Variants in NKX1-1 observed in about 807,000 individuals in gnomAD.
NKX1-1 encodes the protein NK1 homeobox 1.
Under a neutral mutation model 1.7 loss-of-function variants are expected in NKX1-1, and 7 were observed. The observed-to-expected ratio is 4.22, with a 90% CI of 2.40 to 7.92. The LOEUF (loss-of-function observed/expected upper bound fraction) is 7.92, where lower values mean the gene tolerates loss of function less well. Among genes scored for constraint, NKX1-1 ranks in the 30% most tolerant of loss-of-function variants. The pLI, the probability that NKX1-1 is intolerant of heterozygous loss-of-function variation, is 0.00. For synonymous variants in NKX1-1, 242 were observed against 85.3 expected (o/e 2.84, Z -10.13); for missense variants, 453 against 171.5 (o/e 2.64, Z -9.17).
chr4:1,405,830 T>G, intron 1 of NKX1-1, 150 bp downstream of exon 1: 1 of 394,458 alleles, frequency 2.5e-6, no homozygotes, highest in East Asian at 3.7e-5. Flanking sequence ...AGGCCACGGG[T>G]GGGCTGGTGC....
chr4:1,406,185 G>A lies in NKX1-1; in HGVS notation c.258C>T (p.Asp86=). The change falls in exon 1 of 2, where the codon GAC becomes GAT. Residue 86 remains aspartate (D), a synonymous_variant. Transcript: ENST00000422806. The part of the protein sequence containing the change: ...PLRPTSFSVL[D]ILDPNKFNSR... ...TGTTGAACTTGTTGGGGTCCAGGAT[G>A]TCCAGTACCGAGAAGGAGGTGGGGC... The A allele has an allele frequency of 3.3e-6, 2 of 601,972 alleles. No homozygotes were observed. Among genetic ancestry groups the A allele is most frequent in the African/African-American group, 1.9e-5 (1 of 51,306 alleles). 37.3% of individuals were successfully genotyped at this position (601,972 alleles called of 1,614,324 possible). A position where few individuals can be genotyped will look rare whatever the true frequency, so the allele number is the denominator to read the frequency against.
rs756663729 is a variant in NKX1-1 at position 1,403,087 on chromosome 4, C to T, written c.1192G>A (p.Gly398Ser). The T allele has an allele frequency of 5.1e-5, 23 of 449,250 alleles. No homozygotes were observed. The South Asian group carries it at 8.4e-4, about 16-fold the overall frequency. 27.8% of individuals were successfully genotyped at this position (449,250 alleles called of 1,614,324 possible). A position where few individuals can be genotyped will look rare whatever the true frequency, so the allele number is the denominator to read the frequency against. The change falls in exon 2 of 2, where the codon GGC (glycine) becomes AGC (serine). Residue 398 changes from glycine to serine, a missense_variant. Gly to Ser is a moderately conservative substitution (Grantham distance 56). Transcript: ENST00000422806. ...GGGTACCCGGCCGGGCCGTGCATGCCGAGCGGGGCGCCCATGGGCGGCGAG... is the reference window on the plus strand; with the variant it reads ...GGGTACCCGGCCGGGCCGTGCATGCTGAGCGGGGCGCCCATGGGCGGCGAG... ...SPSPPMGAPL[G>S]MHGPAGYPAH...
At chr4:1,405,532 G>T (rs1009379835) in intron 1 of NKX1-1, among the ~76,000 whole-genome samples, 2 of 150,336 alleles carry the variant, frequency 1.3e-5, no homozygotes, top group Non-Finnish European at 3.0e-5. Context: ...TTTTTCCAGC[G>T]ATAACCAGCG....
intron 1 of NKX1-1, among the ~76,000 whole-genome samples, chr4:1,404,568 C>G (rs564477847): frequency 9.3e-4 from 141 of 152,290 alleles, no homozygotes; most frequent in African/African-American, 3.1e-3. Flanking sequence ...CCTAAAGGCC[C>G]GGTCGGCCGA....
intron 1 of NKX1-1, among the ~76,000 whole-genome samples, chr4:1,405,104 G>A (rs1458991688): frequency 6.6e-6 from 1 of 152,210 alleles, no homozygotes; most frequent in African/African-American, 2.4e-5. Context: ...GGATTTGTTC[G>A]CCCTCCATCT....
chr4:1,405,400 AAG>A (rs1720731823), intron 1 of NKX1-1, among the ~76,000 whole-genome samples: 1 of 152,212 alleles, frequency 6.6e-6, no homozygotes, highest in South Asian at 2.1e-4. Flanking sequence ...AGGTGCTTGA[AAG>A]AGATATGCAC....
At chr4:1,404,707 C>T (rs1481829816) in intron 1 of NKX1-1, among the ~76,000 whole-genome samples, 1 of 152,280 alleles carries the variant, frequency 6.6e-6, no homozygotes, top group African/African-American at 2.4e-5. Flanking sequence ...GGGCCTAAGT[C>T]AGGAGGAGTC....
chr4:1,404,211 A>C (rs1368022196), intron 1 of NKX1-1, among the ~76,000 whole-genome samples: 2 of 152,068 alleles, frequency 1.3e-5, no homozygotes, highest in East Asian at 3.9e-4. Flanking sequence ...CACTTAATTA[A>C]ACTCATTTTG....
intron 1 of NKX1-1, among the ~76,000 whole-genome samples, chr4:1,405,715 G>A (rs1577018741): frequency 6.6e-6 from 1 of 152,204 alleles, no homozygotes; most frequent in East Asian, 1.9e-4. Context: ...ACGCGCGGAG[G>A]CGAACCCTGG....
At position 1,403,215 on chromosome 4, in the gene NKX1-1, T is replaced by C. The variant is rs760542354; in HGVS notation, c.1064A>G (p.Asn355Ser). The change falls in exon 2 of 2, where the codon AAC (asparagine) becomes AGC (serine). Residue 355 changes from asparagine (N) to serine (S), a missense_variant. Physicochemically the swap from Asn to Ser is conservative, Grantham distance 46. Transcript: ENST00000422806. ...QNRRTKWKKQ[N>S]PGADTSAPTG... ...CGGAGCGCTGGTGTCGGCGCCCGGG[T>C]TCTGCTTCTTCCACTTGGTTCGGCG... 2 of 717,936 alleles carry C rather than the reference T, an allele frequency of 2.8e-6. No individual in the cohort carries two copies. The highest frequency in any genetic ancestry group is 5.1e-6 in the Non-Finnish European group (2 of 389,760). 44.5% of individuals were successfully genotyped at this position (717,936 alleles called of 1,614,324 possible).
chr4:1,405,025 T>C (rs551110205), intron 1 of NKX1-1, among the ~76,000 whole-genome samples: 2 of 152,294 alleles, frequency 1.3e-5, no homozygotes, highest in African/African-American at 4.8e-5. Flanking sequence ...TTCCGCCCCA[T>C]AGACTCCCCG....
Position 1,403,444 on chromosome 4 carries a change from C to T in NKX1-1, c.835G>A (p.Ala279Thr), listed in dbSNP as rs1470990074. The T allele has an allele frequency of 1.6e-6, 1 of 637,966 alleles. No individual in the cohort carries two copies. The highest frequency in any genetic ancestry group is 2.4e-5 in the Admixed American group (1 of 41,170). 39.5% of individuals were successfully genotyped at this position (637,966 alleles called of 1,614,324 possible). Residue 279 changes from alanine to threonine, a missense_variant, in exon 2 of 2, where the codon GCG becomes ACG. Physicochemically the swap from Ala to Thr is moderately conservative, Grantham distance 58. Transcript: ENST00000422806. Reference sequence around the variant, plus strand: ...GTGCGCTTCCGCTTGGGCTTCGCCGCCGTCGCCGTGCCCTGCGGGGTGGTC... The same window carrying T: ...GTGCGCTTCCGCTTGGGCTTCGCCGTCGTCGCCGTGCCCTGCGGGGTGGTC... Reference protein sequence around the residue: ...AGTTPQGTATAAKPKRKRTGS... With the variant: ...AGTTPQGTATTAKPKRKRTGS...
In NKX1-1 at chr4:1,405,120, G is replaced by C. The variant is rs932482629; in HGVS notation, c.463+860C>G. ...GATTTGTTCGCCCTCCATCTCGGCC[G>C]ACCCGGAAGAGGCCCCGCGCAGGTG... On this transcript the variant is annotated intron_variant, in intron 1 of 1. Coordinates refer to ENST00000422806, the MANE Select transcript of NKX1-1 (RefSeq NM_001290079.1). 5.3e-5 allele frequency among the ~76,000 whole-genome samples: 8 copies of C among 152,190 alleles called. 1 individual carries two copies. The highest frequency in any genetic ancestry group is 1.2e-4 in the Non-Finnish European group (8 of 68,024).
chr4:1,403,468 TC>T lies in NKX1-1; in HGVS notation c.810del (p.Thr271ProfsTer70), dbSNP rs1320566050. On this transcript the variant is annotated frameshift_variant, in exon 2 of 2. Coordinates refer to ENST00000422806, the MANE Select transcript of NKX1-1 (RefSeq NM_001290079.1). LOFTEE classifies it low-confidence loss of function (END_TRUNC). Reference protein sequence around the residue: ...PGGAAAPGGAGTTPQGTATAA... With the variant: ...PGGAAAPGGAXTTPQGTATAA... ...GCCGTCGCCGTGCCCTGCGGGGTGG[TC>T]CCCGCGCCCCCCGGCGCCGCTGCAC... 1.0e-5 allele frequency: 6 copies of T among 593,130 alleles called. No homozygotes were observed. The highest frequency in any genetic ancestry group is 3.5e-4 in the Middle Eastern group (1 of 2,894). The allele number at this position is 593,130 out of a possible 1,614,324, so 36.7% of individuals were successfully genotyped here.
Position 1,403,302 on chromosome 4 carries a change from C to A in NKX1-1, c.977G>T (p.Arg326Leu), listed in dbSNP as rs866650099. The stretch of plus-strand genomic sequence containing the variant: ...GCTGAGCGACAGCGCCAGGTTGAGG[C>A]GCTCGCACACCGACAGGTAGCGCGT... The part of the protein sequence containing the change: ...KATRYLSVCE[R>L]LNLALSLSLT... Residue 326 changes from arginine (R) to leucine (L), a missense_variant, in exon 2 of 2, where the codon CGC becomes CTC. Arg to Leu is a moderately radical substitution (Grantham distance 102). Coordinates refer to ENST00000422806, the MANE Select transcript of NKX1-1 (RefSeq NM_001290079.1). The A allele has an allele frequency of 1.4e-6, 1 of 708,632 alleles. No homozygotes were observed. 43.9% of individuals were successfully genotyped at this position (708,632 alleles called of 1,614,324 possible). A position where few individuals can be genotyped will look rare whatever the true frequency, so the allele number is the denominator to read the frequency against.
rs1404900643 is a variant in NKX1-1, at chr4:1,406,142, C to G, written c.301G>C (p.Val101Leu). ...NKFNSRRRRCVLLGPVAPAAC... is the reference protein window; with the variant it reads ...NKFNSRRRRCLLLGPVAPAAC... ...GCGGGAGCCACTGGGCCCAGCAGCACGCAACGACGCCTCCTGCTGTTGAAC... is the reference window on the plus strand; with the variant it reads ...GCGGGAGCCACTGGGCCCAGCAGCAGGCAACGACGCCTCCTGCTGTTGAAC... The change falls in exon 1 of 2, where the codon GTG (valine) becomes CTG (leucine). Residue 101 changes from valine (V) to leucine (L), a missense_variant. Coordinates refer to ENST00000422806, the MANE Select transcript of NKX1-1 (RefSeq NM_001290079.1). 2 of 618,890 alleles carry G rather than the reference C, an allele frequency of 3.2e-6. No homozygotes were observed. The highest frequency in any genetic ancestry group is 5.8e-6 in the Non-Finnish European group (2 of 344,918). 38.3% of individuals were successfully genotyped at this position (618,890 alleles called of 1,614,324 possible).
Position 1,406,132 on chromosome 4 carries a change from C to G in NKX1-1, c.311G>C (p.Gly104Ala), listed in dbSNP as rs1383134085. Residue 104 changes from glycine to alanine, a missense_variant, in exon 1 of 2, where the codon GGC (glycine) becomes GCC (alanine). Coordinates refer to ENST00000422806, the MANE Select transcript of NKX1-1 (RefSeq NM_001290079.1). ...NSRRRRCVLL[G>A]PVAPAACAPC... ...GGCGCACGCAGCGGGAGCCACTGGG[C>G]CCAGCAGCACGCAACGACGCCTCCT... 1.6e-6 allele frequency: 1 copy of G among 615,284 alleles called. No individual in the cohort carries two copies. The highest frequency in any genetic ancestry group is 1.7e-5 in the South Asian group (1 of 58,820). The allele number at this position is 615,284 out of a possible 1,614,324, so 38.1% of individuals were successfully genotyped here.
intron 1 of NKX1-1, 48 bp from the exon 2 acceptor site, chr4:1,403,863 G>C (rs1046956344): frequency 1.1e-5 from 6 of 569,356 alleles, no homozygotes; most frequent in African/African-American, 4.0e-5. Context: ...AGGACCGGCC[G>C]GTTCCCAGAT....
rs1577018903 is a variant in NKX1-1 at position 1,406,244 on chromosome 4, C to T, written c.199G>A (p.Gly67Arg). Reference sequence around the variant, plus strand: ...GCTGCGGGCCGGGCCGCTCCAGCCCCCTCGGGCGCCGCAGGCACAGTGTCG... The same window carrying T: ...GCTGCGGGCCGGGCCGCTCCAGCCCTCTCGGGCGCCGCAGGCACAGTGTCG... ...ASDTVPAAPE[G>R]AGAARPAAPL... The change falls in exon 1 of 2, where the codon GGG becomes AGG. Residue 67 changes from glycine (G) to arginine (R), a missense_variant. By Grantham distance (125) the Gly-to-Arg change is moderately radical (BLOSUM62 -2). Coordinates refer to ENST00000422806, the MANE Select transcript of NKX1-1 (RefSeq NM_001290079.1). The T allele has an allele frequency of 1.5e-5, 7 of 482,204 alleles. 1 individual carries two copies. Among genetic ancestry groups the T allele is most frequent in the Non-Finnish European group, 2.5e-5 (7 of 276,604 alleles). The allele number at this position is 482,204 out of a possible 1,614,324, so 29.9% of individuals were successfully genotyped here. A position where few individuals can be genotyped will look rare whatever the true frequency, so the allele number is the denominator to read the frequency against.
Sources: gnomAD v4.1 joint callset for allele counts (sites outside exome capture counted in the v4.1 genomes callset) on GRCh38, gnomAD v4.1.1 for gene constraint, MANE v1.5 for transcripts, NCBI Gene and HGNC (gene_info 2026-07-23, HGNC 2026-07-21) for gene names.